The following DOCK10 variants were observed in gnomAD, a reference collection of about 807,000 sequenced individuals.
The protein encoded by DOCK10 is dedicator of cytokinesis 10, also known as dedicator of cytokinesis protein 10.
Under a neutral mutation model 280.1 loss-of-function variants are expected in DOCK10, and 145 were observed. The ratio of observed to expected loss-of-function variants is 0.52; its 90% confidence interval spans 0.45 to 0.59. The LOEUF (loss-of-function observed/expected upper bound fraction) is 0.59, where lower values mean the gene tolerates loss of function less well. DOCK10 is among the 20% of genes least tolerant of loss of function. The probability of loss-of-function intolerance (pLI) is 0.00; values close to 1 mark genes in which losing one functional copy is unlikely to be tolerated. For synonymous variants in DOCK10, 915 were observed against 942.2 expected (o/e 0.97, Z 0.53); for missense variants, 2,368 against 2,651.7 (o/e 0.89, Z 2.35).
Position 225,036,903 on chromosome 2 carries a change from GT to G in DOCK10, c.123+5348del, listed in dbSNP as rs56000508. 4.3e-3 allele frequency among the ~76,000 whole-genome samples: 627 copies of G among 145,858 alleles called. 5 individuals carry two copies. Among genetic ancestry groups the G allele is most frequent in the Non-Finnish European group, 4.9e-3 (323 of 66,252 alleles). On this transcript the variant is annotated intron_variant, in intron 1 of 55. Transcript: ENST00000258390. ...GATTACATCTAACTTTCCTAATACT[GT>G]TTTTTTTTTTCTGGCTAATATTACT... is the stretch of plus-strand genomic sequence containing the variant.
intron 1 of DOCK10, among the ~76,000 whole-genome samples, chr2:225,028,916 G>A (rs184328900): frequency 8.7e-4 from 133 of 152,288 alleles, no homozygotes; most frequent in African/African-American, 3.0e-3. Flanking sequence ...CAGGTTAAGC[G>A]AATGTGTACT....
At chr2:224,819,673 A>G in intron 28 of DOCK10, 144 bp from the exon 29 acceptor site, 1 of 527,464 alleles carries the variant, frequency 1.9e-6, no homozygotes, top group Non-Finnish European at 3.2e-6. Context: ...TCTTCTAAAG[A>G]TGTTTAAGCA....
chr2:224,955,930 T>C (rs1173496382), intron 1 of DOCK10, among the ~76,000 whole-genome samples: 2 of 152,238 alleles, frequency 1.3e-5, no homozygotes, highest in Non-Finnish European at 2.9e-5. Context: ...AGAATGACTC[T>C]CTGTCAAACA....
intron 19 of DOCK10, among the ~76,000 whole-genome samples, chr2:224,847,595 G>GGCTACAAAAAAGC (rs1343829064): frequency 4.6e-5 from 7 of 152,294 alleles, no homozygotes; most frequent in Admixed American, 3.9e-4. Flanking sequence ...TACAGAAAAT[G>GGCTACAAAAAAGC]CATCTTCCAG....
intron 2 of DOCK10, among the ~76,000 whole-genome samples, chr2:224,918,015 A>G (rs182485884): frequency 1.3e-5 from 2 of 152,092 alleles, no homozygotes; most frequent in Non-Finnish European, 1.5e-5. Flanking sequence ...CTCCAAACCC[A>G]TCCTCAGTAT....
In DOCK10 at chr2:224,874,066, A is replaced by G. The variant is rs755210875; in HGVS notation, c.1187T>C (p.Ile396Thr). ...ATTTGAGTTGAGGGCTTTACAGATGATCATGATTCTCTTGGCAGCTTTTTC... is the reference window on the plus strand; with the variant it reads ...ATTTGAGTTGAGGGCTTTACAGATGGTCATGATTCTCTTGGCAGCTTTTTC... ...FEEKAAKRIM[I>T]ICKALNSNLQ... Residue 396 changes from isoleucine (I) to threonine (T), a missense_variant, in exon 11 of 56, where the codon ATC (isoleucine) becomes ACC (threonine). Transcript: ENST00000258390. 1 of 1,613,602 alleles carries G rather than the reference A, an allele frequency of 6.2e-7. No homozygotes were observed. The highest frequency in any genetic ancestry group is 8.5e-7 in the Non-Finnish European group (1 of 1,179,764).
chr2:224,974,792 T>TCTATATATC lies in DOCK10; in HGVS notation c.124-43125_124-43124insGATATATAG, dbSNP rs1491565136. Among the ~76,000 whole-genome samples, 48 of 133,600 alleles carry TCTATATATC rather than the reference T, an allele frequency of 3.6e-4. 1 individual carries two copies. The East Asian group carries it at 8.8e-3, about 25-fold the overall frequency. The allele number at this position is 133,600 out of a possible 152,430, so 87.6% of individuals were successfully genotyped here. ...TCCACTAAAGGTATAATGTTCTCTC[T>TCTATATATC]ATATATATCATATATATTATATATA... On this transcript the variant is annotated intron_variant, in intron 1 of 55. Coordinates refer to ENST00000258390, the MANE Select transcript of DOCK10 (RefSeq NM_014689.3).
At chr2:224,885,362 T>C (rs897582692) in intron 7 of DOCK10, among the ~76,000 whole-genome samples, 7 of 152,224 alleles carry the variant, frequency 4.6e-5, no homozygotes, top group African/African-American at 1.7e-4. Context: ...TTCTCCCTTA[T>C]TGAGTATTAA....
chr2:224,824,978 A>ATTTT (rs10563888), intron 27 of DOCK10, among the ~76,000 whole-genome samples: 2 of 126,958 alleles, frequency 1.6e-5, no homozygotes, highest in African/African-American at 3.0e-5. Context: ...GCTGGCTTCT[A>ATTTT]TTTTTTTTTT....
intron 7 of DOCK10, 39 bp downstream of exon 7, chr2:224,885,631 TA>T (rs11337772): frequency 0.099 from 149,158 of 1,502,006 alleles, 11,257 homozygotes; most frequent in African/African-American, 0.41. Context: ...ACTTTTCAAA[TA>T]AAAAAAAATC....
rs150229775 is a variant in DOCK10 at position 224,898,172 on chromosome 2, A to G, written c.334-1795T>C. On this transcript the variant is annotated intron_variant, in intron 3 of 55. Coordinates refer to ENST00000258390, the MANE Select transcript of DOCK10 (RefSeq NM_014689.3). ...GTGCACATCATAGAAAGGTGGACGG[A>G]GAACACATGTTCCAGGCAAGAGGCT... Among the ~76,000 whole-genome samples, 34 of 152,314 alleles carry G rather than the reference A, an allele frequency of 2.2e-4. No individual in the cohort carries two copies. In the East Asian group the frequency reaches 6.0e-3, roughly 27 times the overall value.
At chr2:224,961,466 CTTTT>C (rs1553623602) in intron 1 of DOCK10, among the ~76,000 whole-genome samples, 1 of 48,152 alleles carries the variant, frequency 2.1e-5, no homozygotes, top group East Asian at 6.1e-4. Flanking sequence ...TTCTTTCTTT[CTTTT>C]TCTTTCTTTC....
rs187240898 is a variant in DOCK10, at chr2:224,865,433, C to T, written c.1258-346G>A. Among the ~76,000 whole-genome samples, 22 of 152,298 alleles carry T rather than the reference C, an allele frequency of 1.4e-4. No individual in the cohort carries two copies. The East Asian group carries it at 2.9e-3, about 20-fold the overall frequency. On this transcript the variant is annotated intron_variant, in intron 11 of 55. Coordinates refer to ENST00000258390, the MANE Select transcript of DOCK10 (RefSeq NM_014689.3). ...ATCTGTAATGAAATCCTAGAAGTTT[C>T]GAGACTGCACTGTGGTTGAACTTCA...
chr2:224,892,427 G>GAAAGAAAGAAAAGAAAAGAAAAGA (rs1699745040), intron 4 of DOCK10, among the ~76,000 whole-genome samples: 2 of 93,992 alleles, frequency 2.1e-5, no homozygotes, highest in South Asian at 2.9e-4. Flanking sequence ...AAAAAAGAAA[G>GAAAGAAAGAAAAGAAAAGAAAAGA]AAAGAAAAGA....
chr2:224,768,247 T>A (rs554164047), intron 55 of DOCK10, among the ~76,000 whole-genome samples: 4 of 152,266 alleles, frequency 2.6e-5, no homozygotes, highest in South Asian at 4.2e-4. Flanking sequence ...AATAGAATTT[T>A]TTTCCTTTGT....
chr2:224,769,053 C>T (rs148992521), intron 55 of DOCK10: 104 of 399,226 alleles, frequency 2.6e-4, no homozygotes, highest in African/African-American at 1.9e-3. Flanking sequence ...ACTTTCAGAT[C>T]CATCATTTGT....
intron 19 of DOCK10, among the ~76,000 whole-genome samples, chr2:224,847,947 G>T (rs769290420): frequency 2.0e-5 from 3 of 152,206 alleles, no homozygotes; most frequent in Non-Finnish European, 4.4e-5. Flanking sequence ...GAAATGGGGA[G>T]ATTATCCTGG....
intron 1 of DOCK10, among the ~76,000 whole-genome samples, chr2:225,002,971 C>G (rs1197069806): frequency 6.6e-6 from 1 of 152,150 alleles, no homozygotes; most frequent in Non-Finnish European, 1.5e-5. Context: ...CGAGAAATGA[C>G]CAGGGTAAAT....
In DOCK10 at chr2:224,870,058, A is replaced by G. The variant is rs150691610; in HGVS notation, c.1257+3938T>C. Among the ~76,000 whole-genome samples, 991 of 152,296 alleles carry G rather than the reference A, an allele frequency of 6.5e-3. 11 individuals are homozygous for G. Among genetic ancestry groups the G allele is most frequent in the African/African-American group, 0.021 (888 of 41,554 alleles). On this transcript the variant is annotated intron_variant, in intron 11 of 55. Coordinates refer to ENST00000258390, the MANE Select transcript of DOCK10 (RefSeq NM_014689.3). ...GTAGTTCTCATAATCCTCACATGTCATAGGAGGGACCCAGTGGGAAGTAAT... is the reference window on the plus strand; with the variant it reads ...GTAGTTCTCATAATCCTCACATGTCGTAGGAGGGACCCAGTGGGAAGTAAT...
Sources: allele counts gnomAD v4.1 joint callset (sites outside exome capture counted in the v4.1 genomes callset), GRCh38; gene constraint gnomAD v4.1.1; transcripts MANE v1.5; gene names NCBI Gene and HGNC (gene_info 2026-07-23, HGNC 2026-07-21).